The following URM1 variants were observed in gnomAD, a reference collection of about 807,000 sequenced individuals.
URM1 encodes ubiquitin related modifier 1.
A neutral mutation model predicts 17.7 loss-of-function variants in URM1; 11 were observed. The ratio of observed to expected loss-of-function variants is 0.62; its 90% confidence interval spans 0.39 to 1.03. URM1 has a LOEUF of 1.03. URM1 is among the 50% of genes least tolerant of loss of function. The pLI, the probability that URM1 is intolerant of heterozygous loss-of-function variation, is 0.00. For synonymous variants in URM1, 48 were observed against 50.6 expected, an observed-to-expected ratio of 0.95 and a Z score of 0.22; for missense variants, 128 against 129.2, an observed-to-expected ratio of 0.99 and a Z score of 0.04.
intron 1 of URM1, among the ~76,000 whole-genome samples, chr9:128,376,473 A>G (rs1833079695): frequency 6.6e-6 from 1 of 151,576 alleles, no homozygotes; most frequent in African/African-American, 2.4e-5. Flanking sequence ...GCCTGGCCAC[A>G]ATGGTGAAAC....
intron 2 of URM1, among the ~76,000 whole-genome samples, chr9:128,381,017 G>T (rs1194338231): frequency 6.6e-6 from 1 of 152,022 alleles, no homozygotes; most frequent in South Asian, 2.1e-4. Context: ...GAAGAGACGG[G>T]GTTTCACCAT....
chr9:128,384,804 C>T (rs1441495871), intron 2 of URM1, among the ~76,000 whole-genome samples: 1 of 152,106 alleles, frequency 6.6e-6, no homozygotes, highest in Non-Finnish European at 1.5e-5. Flanking sequence ...CCGAGGCTTC[C>T]TATTACCTAA....
At chr9:128,377,063 C>G (rs1833087322) in intron 1 of URM1, among the ~76,000 whole-genome samples, 3 of 152,116 alleles carry the variant, frequency 2.0e-5, no homozygotes, top group Admixed American at 2.0e-4. Context: ...GCTATGTCAC[C>G]AAGGCTCTAT....
chr9:128,378,164 GGGGAACACTCA>G, intron 2 of URM1, 58 bp downstream of exon 2: 1 of 1,288,454 alleles, frequency 7.8e-7, no homozygotes, highest in South Asian at 1.3e-5. Flanking sequence ...GTTGGTCCAT[GGGGAACACTCA>G]GCCCCGTTCA....
At chr9:128,381,665 C>T (rs942507674) in intron 2 of URM1, among the ~76,000 whole-genome samples, 6 of 152,204 alleles carry the variant, frequency 3.9e-5, no homozygotes, top group African/African-American at 1.4e-4. Context: ...CCAGCCTGGG[C>T]GCAGAGCAAG....
At position 128,387,935 on chromosome 9, in the gene URM1, G is replaced by A; in HGVS notation, c.188+38G>A. The A allele has an allele frequency of 1.2e-6, 2 of 1,612,870 alleles. No homozygotes were observed. The highest frequency in any genetic ancestry group is 2.2e-5 in the South Asian group (2 of 91,048). On this transcript the variant is annotated intron_variant, in intron 3 of 4. Transcript: ENST00000372853. This position sits in a 1 kb window ranked among gnomAD's most constrained non-coding sequence, Gnocchi z 4.3. Reference sequence around the variant, plus strand: ...CCTCCCTTCCCTGAAGCAGGTGGAGGGAGGGACGGATATTTGAGCCCCCAC... The same window carrying A: ...CCTCCCTTCCCTGAAGCAGGTGGAGAGAGGGACGGATATTTGAGCCCCCAC...
chr9:128,384,796 G>T lies in URM1; in HGVS notation c.107-3020G>T, dbSNP rs544408708. Among the ~76,000 whole-genome samples, 5 of 152,168 alleles carry T rather than the reference G, an allele frequency of 3.3e-5. No homozygotes were observed. In the South Asian group the frequency reaches 6.2e-4, roughly 19 times the overall value. Reference sequence around the variant, plus strand: ...CCCCATTTTACAAAAAAAGGAAGCCGAGGCTTCCTATTACCTAAGGTAATA... The same window carrying T: ...CCCCATTTTACAAAAAAAGGAAGCCTAGGCTTCCTATTACCTAAGGTAATA... On this transcript the variant is annotated intron_variant, in intron 2 of 4. Transcript: ENST00000372853.
chr9:128,389,131 C>A, intron 3 of URM1, 130 bp from the exon 4 acceptor site: 1 of 1,479,172 alleles, frequency 6.8e-7, no homozygotes, highest in Non-Finnish European at 8.9e-7. Context: ...CCTGGGATAT[C>A]TTTAGCCAGA....
At position 128,389,752 on chromosome 9, in the gene URM1, T is replaced by G. The variant is rs368000179; in HGVS notation, c.*18T>G. The G allele has an allele frequency of 1.9e-6, 3 of 1,613,396 alleles. No homozygotes were observed. The highest frequency in any genetic ancestry group is 2.5e-6 in the Non-Finnish European group (3 of 1,179,980). On this transcript the variant is annotated 3_prime_UTR_variant, in exon 5 of 5. Coordinates refer to ENST00000372853, the MANE Select transcript of URM1 (RefSeq NM_030914.4). The stretch of plus-strand genomic sequence containing the variant: ...GCGGCTGAGGGCCCTTCTCTGGGCC[T>G]GGGCACCCTTAGAGGGGAGAACGAA...
rs1343639496 is a variant in URM1, at chr9:128,389,701, C to T, written c.273C>T (p.Ser91=). ...ELDYQLQDQD[S]VLFISTLHGG is the part of the protein sequence containing the mutation. ...ACTACCAGCTTCAGGACCAGGACAGCGTCCTCTTCATCTCCACTCTGCACG... is the reference window on the plus strand; with the variant it reads ...ACTACCAGCTTCAGGACCAGGACAGTGTCCTCTTCATCTCCACTCTGCACG... The change falls in exon 5 of 5, where the codon AGC becomes AGT. Residue 91 remains serine (S), a synonymous_variant. Transcript: ENST00000372853. 4 of 1,613,554 alleles carry T rather than the reference C, an allele frequency of 2.5e-6. No homozygotes were observed. Among genetic ancestry groups the T allele is most frequent in the South Asian group, 2.2e-5 (2 of 91,088 alleles).
At chr9:128,379,185 A>G (rs1336246092) in intron 2 of URM1, among the ~76,000 whole-genome samples, 1 of 151,998 alleles carries the variant, frequency 6.6e-6, no homozygotes, top group African/African-American at 2.4e-5. Context: ...TGGGCGGTAG[A>G]AAATGGTCAA....
In URM1 at chr9:128,391,919, G is replaced by A. The variant is rs1164413931; in HGVS notation, c.*2185G>A. 1 of 152,270 alleles carries A rather than the reference G, an allele frequency of 6.6e-6. No individual in the cohort carries two copies. The highest frequency in any genetic ancestry group is 2.4e-5 in the African/African-American group (1 of 41,458). The allele number at this position is 152,270 out of a possible 1,614,324, so 9.4% of individuals were successfully genotyped here. Reference sequence around the variant, plus strand: ...AAAGGGGTCAGGGGACAGGTGACCTGGGCTCAGCCCCCAGCAGCTCCCAAC... The same window carrying A: ...AAAGGGGTCAGGGGACAGGTGACCTAGGCTCAGCCCCCAGCAGCTCCCAAC... On this transcript the variant is annotated 3_prime_UTR_variant, in exon 5 of 5. Coordinates refer to ENST00000372853, the MANE Select transcript of URM1 (RefSeq NM_030914.4).
chr9:128,371,524 T>C, intron 1 of URM1, 109 bp downstream of exon 1: 1 of 1,147,086 alleles, frequency 8.7e-7, no homozygotes, highest in Non-Finnish European at 1.3e-6. Context: ...GGTGTCCCAG[T>C]GCCCGCTGTG....
At chr9:128,376,214 T>C (rs1833074659) in intron 1 of URM1, among the ~76,000 whole-genome samples, 3 of 151,702 alleles carry the variant, frequency 2.0e-5, no homozygotes, top group African/African-American at 7.3e-5. Context: ...AAAAATAAAA[T>C]TAGGCAGGTG....
chr9:128,388,132 G>C (rs1833252966), intron 3 of URM1: 1 of 1,319,460 alleles, frequency 7.6e-7, no homozygotes. Context: ...CTTGGATTCT[G>C]CCCTCTGGTT....
intron 3 of URM1, chr9:128,388,389 C>T: frequency 3.0e-6 from 3 of 986,920 alleles, no homozygotes; most frequent in Non-Finnish European, 3.6e-6. Flanking sequence ...CATGCACACA[C>T]ACTCACTGGG....
chr9:128,378,714 G>C (rs1029403125), intron 2 of URM1, among the ~76,000 whole-genome samples: 5 of 151,984 alleles, frequency 3.3e-5, no homozygotes, highest in African/African-American at 4.8e-5. Flanking sequence ...CAGCACTTTG[G>C]GGGGCCGAGG....
At chr9:128,379,804 A>AAAAAT (rs138951085) in intron 2 of URM1, among the ~76,000 whole-genome samples, 11,941 of 151,238 alleles carry the variant, frequency 0.079, 665 homozygotes, top group East Asian at 0.17. Flanking sequence ...CATCTCAAAA[A>AAAAAT]AAAATAAAAT....
At chr9:128,389,126 G>A in intron 3 of URM1, 135 bp from the exon 4 acceptor site, 3 of 1,467,558 alleles carry the variant, frequency 2.0e-6, no homozygotes, top group South Asian at 1.4e-5. Context: ...CCCTTCCTGG[G>A]ATATCTTTAG....
Sources: gnomAD v4.1 joint callset for allele counts (sites outside exome capture counted in the v4.1 genomes callset) on GRCh38, gnomAD v4.1.1 for gene constraint, Gnocchi (gnomAD v3.1) non-coding constraint, MANE v1.5 for transcripts, NCBI Gene and HGNC (gene_info 2026-07-23, HGNC 2026-07-21) for gene names.